CAMK1D: variants seen among roughly 807,000 people sequenced by gnomAD.
The protein encoded by CAMK1D is calcium/calmodulin-dependent protein kinase type 1D.
Under a neutral mutation model 47.7 loss-of-function variants are expected in CAMK1D, and 9 were observed. The ratio of observed to expected loss-of-function variants is 0.19; its 90% CI spans 0.11 to 0.33. The LOEUF (loss-of-function observed/expected upper bound fraction) is 0.33, where lower values mean the gene tolerates loss of function less well. CAMK1D is among the 10% of genes least tolerant of loss of function. The pLI is 1.00. For synonymous variants in CAMK1D, 184 were observed against 184.9 expected (o/e 0.99, Z 0.04); for missense variants, 291 against 488.7 (o/e 0.60, Z 3.81).
chr10:12,734,472 G>GTA (rs1253147066), intron 3 of CAMK1D, among the ~76,000 whole-genome samples: 4 of 21,078 alleles, frequency 1.9e-4, no homozygotes, highest in African/African-American at 4.6e-4. Flanking sequence ...ATACACATAT[G>GTA]TGTATATATA....
intron 2 of CAMK1D, among the ~76,000 whole-genome samples, chr10:12,596,670 G>A (rs1267909108): frequency 6.6e-6 from 1 of 152,046 alleles, no homozygotes; most frequent in East Asian, 1.9e-4. Flanking sequence ...TGAAATCATG[G>A]TTTCTGGGTC....
chr10:12,546,125 A>G (rs1276488333), intron 1 of CAMK1D, among the ~76,000 whole-genome samples: 2 of 152,206 alleles, frequency 1.3e-5, no homozygotes, highest in Non-Finnish European at 2.9e-5. Flanking sequence ...TCAAAGATTT[A>G]AGTAGGGTAA....
At chr10:12,516,696 G>C (rs755664666) in intron 1 of CAMK1D, among the ~76,000 whole-genome samples, 3 of 152,182 alleles carry the variant, frequency 2.0e-5, no homozygotes, top group Non-Finnish European at 4.4e-5. Context: ...TAGTCATGTA[G>C]TGATATCTCA....
At chr10:12,593,559 C>G (rs1205465156) in intron 2 of CAMK1D, among the ~76,000 whole-genome samples, 1 of 151,994 alleles carries the variant, frequency 6.6e-6, no homozygotes, top group African/African-American at 2.4e-5. Context: ...CATTGCACTC[C>G]AGCCTGGGCA....
intron 1 of CAMK1D, among the ~76,000 whole-genome samples, chr10:12,399,553 G>A (rs184978307): frequency 6.6e-6 from 1 of 152,098 alleles, no homozygotes; most frequent in East Asian, 1.9e-4. Flanking sequence ...GGGTTCCTAA[G>A]GATAGGAGCC....
intron 6 of CAMK1D, among the ~76,000 whole-genome samples, chr10:12,792,922 C>T (rs1838040866): frequency 6.6e-6 from 1 of 151,360 alleles, no homozygotes; most frequent in Non-Finnish European, 1.5e-5. Flanking sequence ...TAATGAAGGT[C>T]ATGGATCCTA....
At chr10:12,721,107 C>A (rs1484667610) in intron 3 of CAMK1D, among the ~76,000 whole-genome samples, 2 of 143,776 alleles carry the variant, frequency 1.4e-5, no homozygotes, top group Non-Finnish European at 3.1e-5. Context: ...AGCAAACATG[C>A]GCATGCCCAA....
intron 2 of CAMK1D, among the ~76,000 whole-genome samples, chr10:12,554,452 G>A (rs1283172872): frequency 2.3e-5 from 3 of 130,982 alleles, no homozygotes. Flanking sequence ...ACTGCGCCTG[G>A]CCAAGATTTT....
intron 3 of CAMK1D, among the ~76,000 whole-genome samples, chr10:12,704,569 A>G (rs12779964): frequency 0.41 from 61,752 of 152,074 alleles, 14,362 homozygotes; most frequent in Non-Finnish European, 0.51. Flanking sequence ...AGGAAAAAAA[A>G]AAAGAAAGAT....
chr10:12,778,450 C>T (rs1191961086), intron 5 of CAMK1D, among the ~76,000 whole-genome samples: 2 of 152,202 alleles, frequency 1.3e-5, no homozygotes, highest in African/African-American at 4.8e-5. Context: ...GGTGGGCATC[C>T]CCATCCATGT....
chr10:12,415,951 A>G (rs1839833515), intron 1 of CAMK1D: 1 of 152,046 alleles, frequency 6.6e-6, no homozygotes, highest in African/African-American at 2.4e-5. Context: ...TATGTTCTGA[A>G]TCTGAGGTTG....
At chr10:12,716,881 A>G (rs561261685) in intron 3 of CAMK1D, among the ~76,000 whole-genome samples, 109 of 152,320 alleles carry the variant, frequency 7.2e-4, no homozygotes, top group African/African-American at 2.5e-3. Flanking sequence ...CTCTCTTACT[A>G]GAGCAAGGAG....
chr10:12,640,923 G>A lies in CAMK1D; in HGVS notation c.225-25813G>A, dbSNP rs993481213. ...AATCAATTATGAAGAATAATTTATC[G>A]GTAATTACAGATGTCTTTTGGCTTA... On this transcript the variant is annotated intron_variant, in intron 2 of 10. Transcript: ENST00000619168. Among the ~76,000 whole-genome samples the A allele has an allele frequency of 5.9e-5, 9 of 152,076 alleles. No individual in the cohort carries two copies. In the East Asian group the frequency reaches 7.7e-4, roughly 13 times the overall value.
At chr10:12,805,367 CT>C (rs35851814) in intron 6 of CAMK1D, among the ~76,000 whole-genome samples, 44,995 of 128,504 alleles carry the variant, frequency 0.35, 7,808 homozygotes, top group East Asian at 0.62. Flanking sequence ...CTTTACATTT[CT>C]TTTTTTTTTT....
At chr10:12,521,987 A>G (rs923682336) in intron 1 of CAMK1D, among the ~76,000 whole-genome samples, 8 of 110,428 alleles carry the variant, frequency 7.2e-5, no homozygotes, top group African/African-American at 2.6e-4. Flanking sequence ...TATAGATAGC[A>G]TATATTTGAA....
At position 12,666,800 on chromosome 10, in the gene CAMK1D, G is replaced by A. The variant is rs1364493322; in HGVS notation, c.289G>A (p.Val97Ile). 4 of 1,613,028 alleles carry A rather than the reference G, an allele frequency of 2.5e-6. No homozygotes were observed. Among genetic ancestry groups the A allele is most frequent in the East Asian group, 2.2e-5 (1 of 44,882 alleles). ...TGAAAGCCCAAATCACCTGTACTTG[G>A]TCATGCAGCTGTAAGTACCTTGTTT... ...IYESPNHLYLVMQLVSGGELF... is the reference protein window; with the variant it reads ...IYESPNHLYLIMQLVSGGELF... Residue 97 changes from valine (V) to isoleucine (I), a missense_variant, in exon 3 of 11, where the codon GTC becomes ATC. Around this residue, in one of 2 missense-constraint regions of CAMK1D, gnomAD observed 219 missense variants for 424.3 expected, o/e 0.52. Transcript: ENST00000619168.
chr10:12,382,353 C>T (rs957341390), intron 1 of CAMK1D, among the ~76,000 whole-genome samples: 27 of 152,034 alleles, frequency 1.8e-4, no homozygotes, highest in African/African-American at 5.8e-4. Flanking sequence ...TTATGGTATG[C>T]ATCACACTTG....
chr10:12,449,739 CCACGCCTATAAT>C (rs1833027845), intron 1 of CAMK1D, among the ~76,000 whole-genome samples: 1 of 152,074 alleles, frequency 6.6e-6, no homozygotes, highest in Non-Finnish European at 1.5e-5. Context: ...GCGTGGTGGC[CCACGCCTATAAT>C]CATTTGGGAG....
intron 3 of CAMK1D, among the ~76,000 whole-genome samples, chr10:12,674,598 G>GTTTTTTTTTTTTT (rs1491441824): frequency 2.4e-3 from 40 of 16,648 alleles, no homozygotes; most frequent in Non-Finnish European, 4.1e-3. Flanking sequence ...TTGGAAAAAT[G>GTTTTTTTTTTTTT]CTTTTTTTTT....
Sources: allele counts gnomAD v4.1 joint callset (sites outside exome capture counted in the v4.1 genomes callset), GRCh38; gene constraint gnomAD v4.1.1; regional missense constraint gnomAD v4.1.1; transcripts MANE v1.5; gene names NCBI Gene and HGNC (gene_info 2026-07-23, HGNC 2026-07-21).